The following GTF3C1 variants were observed in gnomAD, a reference collection of about 807,000 sequenced individuals.
GTF3C1 encodes the protein general transcription factor 3C polypeptide 1.
In GTF3C1, 57 loss-of-function variants were observed where a neutral mutation model predicts 226.7. That is an observed-to-expected ratio of 0.25 (90% CI 0.20 to 0.31). The LOEUF (loss-of-function observed/expected upper bound fraction) is 0.31. Among genes scored for constraint, GTF3C1 ranks in the 10% least tolerant of loss-of-function variants. The pLI, the probability that GTF3C1 is intolerant of heterozygous loss-of-function variation, is 1.00. For synonymous variants in GTF3C1, 1,090 were observed against 1,084.8 expected (o/e 1.00, Z -0.09); for missense variants, 2,217 against 2,776.1 (o/e 0.80, Z 4.53).
Position 27,488,543 on chromosome 16 carries a change from A to G in GTF3C1, c.3511+11T>C. On this transcript the variant is annotated intron_variant, in intron 22 of 36. Coordinates refer to ENST00000356183, the MANE Select transcript of GTF3C1 (RefSeq NM_001520.4). ...ATATTAACTTCTGGGGTGAACTCCC[A>G]GCACACGTACCTCTGGCACTGAGGG... 6.2e-7 allele frequency: 1 copy of G among 1,611,634 alleles called. No homozygotes were observed. Among genetic ancestry groups the G allele is most frequent in the Non-Finnish European group, 8.5e-7 (1 of 1,177,716 alleles).
In GTF3C1 at chr16:27,465,274, C is replaced by T. The variant is rs774889030; in HGVS notation, c.5341G>A (p.Ala1781Thr). The change falls in exon 33 of 37, where the codon GCA (alanine) becomes ACA (threonine). Residue 1781 changes from alanine to threonine, a missense_variant. By Grantham distance (58) the Ala-to-Thr change is moderately conservative. Transcript: ENST00000356183. Reference protein sequence around the residue: ...KAGGGRTRTFADCIQALLEQH... With the variant: ...KAGGGRTRTFTDCIQALLEQH... The stretch of plus-strand genomic sequence containing the variant: ...GCACAGCTCACCTGGATGCAATCTG[C>T]GAATGTCCTGGTGCGCCCACCACCT... 60 of 1,614,064 alleles carry T rather than the reference C, an allele frequency of 3.7e-5. No homozygotes were observed. Among genetic ancestry groups the T allele is most frequent in the Middle Eastern group, 1.6e-4 (1 of 6,062 alleles).
At chr16:27,527,516 CTTAAG>C (rs933169767) in intron 6 of GTF3C1, among the ~76,000 whole-genome samples, 66 of 152,136 alleles carry the variant, frequency 4.3e-4, no homozygotes, top group African/African-American at 1.6e-3. Flanking sequence ...TAGTATGCTC[CTTAAG>C]TTAACTTTCT....
In GTF3C1 at chr16:27,465,518, T is replaced by C. The variant is rs1269677286; in HGVS notation, c.5097A>G (p.Thr1699=). The C allele has an allele frequency of 1.2e-6, 2 of 1,600,390 alleles. No individual in the cohort carries two copies. The highest frequency in any genetic ancestry group is 1.7e-6 in the Non-Finnish European group (2 of 1,179,456). Residue 1699 remains threonine (T), a synonymous_variant, in exon 33 of 37, where the codon ACA becomes ACG. Transcript: ENST00000356183. ...RPAAAPLEEL[T]MGTSCLPDTF... Reference sequence around the variant, plus strand: ...TATCAGGGAGGCAGGAGGTTCCCATTGTTAGCTCTTCCAGAGGAGCGGCTG... The same window carrying C: ...TATCAGGGAGGCAGGAGGTTCCCATCGTTAGCTCTTCCAGAGGAGCGGCTG...
In GTF3C1 at chr16:27,476,437, CA is replaced by C. The variant is rs766650947; in HGVS notation, c.4353+13del. On this transcript the variant is annotated intron_variant, in intron 29 of 36. Coordinates refer to ENST00000356183, the MANE Select transcript of GTF3C1 (RefSeq NM_001520.4). Reference sequence around the variant, plus strand: ...CCCACATCCCCGCTGTGCTGCCGGGCAGCCGACACCCACCTGGAATGACTGG... The same window carrying C: ...CCCACATCCCCGCTGTGCTGCCGGGCGCCGACACCCACCTGGAATGACTGG... 6.4e-7 allele frequency: 1 copy of C among 1,555,100 alleles called. No individual in the cohort carries two copies. Among genetic ancestry groups the C allele is most frequent in the South Asian group, 1.1e-5 (1 of 89,766 alleles).
intron 6 of GTF3C1, among the ~76,000 whole-genome samples, chr16:27,519,977 T>C (rs191711448): frequency 4.6e-5 from 7 of 152,238 alleles, no homozygotes; most frequent in African/African-American, 1.4e-4. Flanking sequence ...TTAGCTGGTG[T>C]GGTGGCACAC....
intron 5 of GTF3C1, among the ~76,000 whole-genome samples, chr16:27,531,469 T>C (rs1192957320): frequency 6.6e-6 from 1 of 152,228 alleles, no homozygotes; most frequent in Middle Eastern, 3.2e-3. Context: ...AAAGCACCCC[T>C]TTCCCTCTAC....
At position 27,470,567 on chromosome 16, in the gene GTF3C1, C is replaced by A; in HGVS notation, c.4527-172G>T. On this transcript the variant is annotated intron_variant, in intron 30 of 36. Transcript: ENST00000356183. The surrounding 1 kb of genome is among the most constrained non-coding windows in gnomAD (Gnocchi z 4.9). ...ATGAAGGTGCTGCATTCCCACCTAG[C>A]GGTGTTTGTGTCTCTCTTCCCCGCT... 2 of 611,586 alleles carry A rather than the reference C, an allele frequency of 3.3e-6. No homozygotes were observed. Among genetic ancestry groups the A allele is most frequent in the South Asian group, 3.9e-5 (2 of 51,124 alleles). The allele number at this position is 611,586 out of a possible 1,614,324, so 37.9% of individuals were successfully genotyped here. A position where few individuals can be genotyped will look rare whatever the true frequency, so the allele number is the denominator to read the frequency against.
intron 4 of GTF3C1, among the ~76,000 whole-genome samples, chr16:27,537,131 G>A (rs2089012539): frequency 6.6e-6 from 1 of 152,134 alleles, no homozygotes; most frequent in Middle Eastern, 3.2e-3. Flanking sequence ...GGTTATTATG[G>A]TTGAGTGCTG....
At chr16:27,546,266 T>C (rs1567419114) in intron 1 of GTF3C1, among the ~76,000 whole-genome samples, 1 of 152,128 alleles carries the variant, frequency 6.6e-6, no homozygotes, top group African/African-American at 2.4e-5. Flanking sequence ...CACCTTTGAA[T>C]CCTCAGTCCT....
rs1305144650 is a variant in GTF3C1 at position 27,476,637 on chromosome 16, C to CA, written c.4260-94dup. On this transcript the variant is annotated intron_variant, in intron 28 of 36. Transcript: ENST00000356183. ...CTTAGGGAAAAAAACTTGAATCTCA[C>CA]AAAAGGGACACAAATGCCAAAACTA... 3.3e-5 allele frequency: 24 copies of CA among 716,426 alleles called. No homozygotes were observed. The Admixed American group carries it at 5.2e-4, about 16-fold the overall frequency. 44.4% of individuals were successfully genotyped at this position (716,426 alleles called of 1,614,324 possible). A position where few individuals can be genotyped will look rare whatever the true frequency, so the allele number is the denominator to read the frequency against.
chr16:27,516,937 C>A (rs181616028), intron 6 of GTF3C1, among the ~76,000 whole-genome samples: 1 of 152,168 alleles, frequency 6.6e-6, no homozygotes, highest in Non-Finnish European at 1.5e-5. Context: ...AAGCCTGGTG[C>A]ACATCTTTCC....
At chr16:27,499,206 C>A (rs116738787) in intron 12 of GTF3C1, among the ~76,000 whole-genome samples, 2 of 152,246 alleles carry the variant, frequency 1.3e-5, no homozygotes, top group Non-Finnish European at 2.9e-5. Flanking sequence ...GCCAGGCACA[C>A]GTCCAAACAA....
At chr16:27,515,948 C>T (rs780589244) in intron 6 of GTF3C1, among the ~76,000 whole-genome samples, 1 of 152,204 alleles carries the variant, frequency 6.6e-6, no homozygotes, top group South Asian at 2.1e-4. Flanking sequence ...TTCACAGATG[C>T]GGAAGCTAAG....
In GTF3C1 at chr16:27,463,767, G is replaced by A; in HGVS notation, c.5873-175C>T. 1 of 647,394 alleles carries A rather than the reference G, an allele frequency of 1.5e-6. No individual in the cohort carries two copies. The highest frequency in any genetic ancestry group is 2.8e-6 in the Non-Finnish European group (1 of 363,082). The allele number at this position is 647,394 out of a possible 1,614,324, so 40.1% of individuals were successfully genotyped here. A position where few individuals can be genotyped will look rare whatever the true frequency, so the allele number is the denominator to read the frequency against. ...AGAGCGGCCACCCTGGAGGTGGCAG[G>A]GCCGGGCAGACTGCCGCACACAGCG... On this transcript the variant is annotated intron_variant, in intron 34 of 36. Transcript: ENST00000356183. The surrounding 1 kb of genome is among the most constrained non-coding windows in gnomAD (Gnocchi z 4.9).
At chr16:27,538,011 G>A in intron 3 of GTF3C1, 84 bp from the exon 4 acceptor site, 1 of 1,469,102 alleles carries the variant, frequency 6.8e-7, no homozygotes, top group Non-Finnish European at 9.3e-7. Context: ...ATAAACACCA[G>A]AGACACAAAC....
rs752518448 is a variant in GTF3C1, at chr16:27,549,732, C to T, written c.159G>A (p.Thr53=). Residue 53 remains threonine, a synonymous_variant, in exon 1 of 37, where the codon ACG becomes ACA. Transcript: ENST00000356183. ...TQEFLWRALA[T]HPGISFYEEP... ...CCTCATAGAAGCTGATGCCCGGGTG[C>T]GTGGCGAGGGCCCGCCAGAGAAACT... is the stretch of plus-strand genomic sequence containing the variant. The T allele has an allele frequency of 1.0e-5, 16 of 1,600,650 alleles. No individual in the cohort carries two copies. Among genetic ancestry groups the T allele is most frequent in the Non-Finnish European group, 1.4e-5 (16 of 1,173,840 alleles).
chr16:27,471,622 G>T lies in GTF3C1; in HGVS notation c.4526+126C>A. On this transcript the variant is annotated intron_variant, in intron 30 of 36. Coordinates refer to ENST00000356183, the MANE Select transcript of GTF3C1 (RefSeq NM_001520.4). This position sits in a 1 kb window ranked among gnomAD's most constrained non-coding sequence, Gnocchi z 5.0. Reference sequence around the variant, plus strand: ...TGCAGGAAACCCAAGCCGGCATCTTGCACATGAGGCTGCGAAGGTCCCTGG... The same window carrying T: ...TGCAGGAAACCCAAGCCGGCATCTTTCACATGAGGCTGCGAAGGTCCCTGG... 1.4e-6 allele frequency: 1 copy of T among 731,760 alleles called. No homozygotes were observed. The highest frequency in any genetic ancestry group is 2.4e-6 in the Non-Finnish European group (1 of 424,784). 45.3% of individuals were successfully genotyped at this position (731,760 alleles called of 1,614,324 possible).
At chr16:27,521,424 G>T (rs956335134) in intron 6 of GTF3C1, among the ~76,000 whole-genome samples, 4 of 152,208 alleles carry the variant, frequency 2.6e-5, no homozygotes, top group Admixed American at 6.5e-5. Flanking sequence ...CCTCCTACCT[G>T]TCCCCAGTGT....
chr16:27,534,195 G>C (rs894789092), intron 4 of GTF3C1, among the ~76,000 whole-genome samples: 2 of 152,220 alleles, frequency 1.3e-5, no homozygotes, highest in Non-Finnish European at 2.9e-5. Context: ...TGGCGTGGCA[G>C]AGCCTACCTT....
Sources: gnomAD v4.1 joint callset for allele counts (sites outside exome capture counted in the v4.1 genomes callset) on GRCh38, gnomAD v4.1.1 for gene constraint, Gnocchi (gnomAD v3.1) non-coding constraint, MANE v1.5 for transcripts, NCBI Gene and HGNC (gene_info 2026-07-23, HGNC 2026-07-21) for gene names.